RGS3: variants seen among roughly 807,000 people sequenced by gnomAD.
RGS3 encodes regulator of G-protein signalling 3.
Under a neutral mutation model 132.6 loss-of-function variants are expected in RGS3, and 80 were observed. That is an observed-to-expected ratio of 0.60 (90% CI 0.50 to 0.73). The LOEUF (loss-of-function observed/expected upper bound fraction) is 0.73, where lower values mean the gene tolerates loss of function less well. RGS3 is among the 30% of genes least tolerant of loss of function. RGS3 has a pLI of 0.00. For missense variants in RGS3, 1,382 were observed against 1,530.8 expected (o/e 0.90, Z 1.62); for synonymous variants, 598 against 620.6 (o/e 0.96, Z 0.54).
At chr9:113,517,446 T>G (rs1487899057) in intron 15 of RGS3, 95 bp from the exon 14 acceptor site, 1 of 966,470 alleles carries the variant, frequency 1.0e-6, no homozygotes, top group African/African-American at 1.6e-5. Flanking sequence ...GTCAGAGGGT[T>G]CTCTGTGGCT....
chr9:113,536,844 A>AAG lies in RGS3; in HGVS notation c.1968_1969dup (p.Val657GlufsTer179). The AAG allele has an allele frequency of 1.9e-6, 3 of 1,614,138 alleles. No individual in the cohort carries two copies. Among genetic ancestry groups the AAG allele is most frequent in the Non-Finnish European group, 2.5e-6 (3 of 1,179,994 alleles). Reference sequence around the variant, plus strand: ...GGAAGCGCACTCGCAGGAGCAGAAGAAGAGAGTGTGCTGGTGCCTGTCGGA... The same window carrying AAG: ...GGAAGCGCACTCGCAGGAGCAGAAGAAGAGAGAGTGTGCTGGTGCCTGTCGGA... On this transcript the variant is annotated frameshift_variant, in exon 19 of 25. Transcript: ENST00000350696. LOFTEE classifies it high-confidence loss of function.
At chr9:113,557,288 G>A (rs1256111630) in intron 19 of RGS3, among the ~76,000 whole-genome samples, 1 of 152,244 alleles carries the variant, frequency 6.6e-6, no homozygotes, top group African/African-American at 2.4e-5. Context: ...CTTAGGTGTT[G>A]GCTCACTCCC....
chr9:113,541,404 C>T, intron 19 of RGS3: 1 of 1,613,848 alleles, frequency 6.2e-7, no homozygotes, highest in Non-Finnish European at 8.5e-7. Context: ...CTTTACCTCA[C>T]CAGGACAGAC....
In RGS3 at chr9:113,473,833, A is replaced by G. The variant is rs1285604739; in HGVS notation, c.416-5658A>G. Among the ~76,000 whole-genome samples the G allele has an allele frequency of 3.3e-5, 5 of 152,220 alleles. No homozygotes were observed. In the South Asian group the frequency reaches 1.0e-3, roughly 32 times the overall value. Reference sequence around the variant, plus strand: ...AGTACCTAGTAAACATCTAAGAAACATTGACTTTGTTCTCTCCATGTGTGT... The same window carrying G: ...AGTACCTAGTAAACATCTAAGAAACGTTGACTTTGTTCTCTCCATGTGTGT... On this transcript the variant is annotated intron_variant, in intron 3 of 24. Transcript: ENST00000350696.
rs1338540350 is a variant in RGS3, at chr9:113,565,911, GTGTGTC to G, written c.2038-17535_2038-17530del. On this transcript the variant is annotated intron_variant, in intron 19 of 24. Transcript: ENST00000350696. The surrounding 1 kb of genome is among the most constrained non-coding windows in gnomAD (Gnocchi z 5.7). Reference sequence around the variant, plus strand: ...TGTGTGTGTGTGTGTGTGTGTGTGTGTGTGTCTGTCTGTCTGTCTGTCTCAGGGGCT... The same window carrying G: ...TGTGTGTGTGTGTGTGTGTGTGTGTGTGTCTGTCTGTCTGTCTCAGGGGCT... Among the ~76,000 whole-genome samples, 395 of 148,784 alleles carry G rather than the reference GTGTGTC, an allele frequency of 2.7e-3. 8 individuals carry two copies. In the East Asian group the frequency reaches 0.048, roughly 18 times the overall value.
At chr9:113,516,063 T>A (rs1831643149) in intron 15 of RGS3, among the ~76,000 whole-genome samples, 1 of 152,266 alleles carries the variant, frequency 6.6e-6, no homozygotes, top group Admixed American at 6.5e-5. Context: ...ATTGACAAAT[T>A]GCTTTGCAGG....
exon 10 of RGS3, chr9:113,498,046 G>A: frequency 6.2e-7 from 1 of 1,614,114 alleles, no homozygotes; most frequent in East Asian, 2.2e-5. Flanking sequence ...AGAATGCCAG[G>A]AGGTGGGGAC....
intron 19 of RGS3, among the ~76,000 whole-genome samples, chr9:113,574,874 G>A (rs1008015838): frequency 2.6e-5 from 4 of 152,192 alleles, no homozygotes; most frequent in African/African-American, 9.7e-5. Flanking sequence ...TTCTCACAAG[G>A]CATCAGTCAC....
At chr9:113,536,746 A>C in intron 18 of RGS3, 50 bp from the exon 17 acceptor site, 1 of 1,594,026 alleles carries the variant, frequency 6.3e-7, no homozygotes, top group Non-Finnish European at 8.6e-7. Flanking sequence ...GAGCCCCCTG[A>C]ACCAGGGAGC....
At chr9:113,548,675 C>A (rs938626754) in intron 19 of RGS3, among the ~76,000 whole-genome samples, 1 of 152,220 alleles carries the variant, frequency 6.6e-6, no homozygotes, top group African/African-American at 2.4e-5. Context: ...TCAGCCCTCA[C>A]ACCCCCTCCT....
At chr9:113,529,447 C>T (rs1356111443) in intron 18 of RGS3, among the ~76,000 whole-genome samples, 183 bp downstream of exon 16, 13 of 152,228 alleles carry the variant, frequency 8.5e-5, no homozygotes, top group Non-Finnish European at 1.9e-4. Context: ...ATTCCTGCCC[C>T]TGCCTCTCTC....
intron 19 of RGS3, among the ~76,000 whole-genome samples, chr9:113,551,351 A>G (rs527882093): frequency 6.6e-6 from 1 of 152,272 alleles, no homozygotes; most frequent in South Asian, 2.1e-4. Flanking sequence ...GGAATATCAC[A>G]TTTTGTTTAA....
Position 113,565,200 on chromosome 9 carries a change from C to T in RGS3, c.2038-18250C>T, listed in dbSNP as rs1037411037. The T allele has an allele frequency of 9.6e-6, 12 of 1,247,064 alleles. No homozygotes were observed. Among genetic ancestry groups the T allele is most frequent in the South Asian group, 6.8e-5 (5 of 73,612 alleles). The allele number at this position is 1,247,064 out of a possible 1,614,324, so 77.2% of individuals were successfully genotyped here. A position where few individuals can be genotyped will look rare whatever the true frequency, so the allele number is the denominator to read the frequency against. ...TAACCCGGGAGCCAGCTGGGCCCCT[C>T]GCGGGGTGGGCAGAAGGACGGGCTG... On this transcript the variant is annotated intron_variant, in intron 19 of 24. Transcript: ENST00000350696. The surrounding 1 kb of genome is among the most constrained non-coding windows in gnomAD (Gnocchi z 5.7).
At chr9:113,582,259 T>A in intron 19 of RGS3, 1 of 948,584 alleles carries the variant, frequency 1.1e-6, no homozygotes, top group Non-Finnish European at 1.3e-6. Flanking sequence ...CACCGGCCTT[T>A]GGGCTCAGTT....
chr9:113,554,802 T>C (rs1833500517), intron 19 of RGS3, among the ~76,000 whole-genome samples: 1 of 152,232 alleles, frequency 6.6e-6, no homozygotes, highest in Non-Finnish European at 1.5e-5. Flanking sequence ...TTATAGTATC[T>C]TTTATCATTT....
intron 3 of RGS3, among the ~76,000 whole-genome samples, chr9:113,477,103 A>G (rs754179959): frequency 2.6e-5 from 4 of 152,094 alleles, no homozygotes; most frequent in African/African-American, 7.2e-5. Flanking sequence ...GGAAGCCACA[A>G]TGAAGTAATT....
rs1292223002 is a variant in RGS3, at chr9:113,463,318, C to T, written c.415+1117C>T. On this transcript the variant is annotated intron_variant, in intron 3 of 24. Coordinates refer to ENST00000350696, the Ensembl canonical transcript of RGS3. This position sits in a 1 kb window ranked among gnomAD's most constrained non-coding sequence, Gnocchi z 4.6. Reference sequence around the variant, plus strand: ...TCCAAACCTCACTGCCCTGGGCCATCGGGTGCTCCTTTGCCTTTGCTTGGA... The same window carrying T: ...TCCAAACCTCACTGCCCTGGGCCATTGGGTGCTCCTTTGCCTTTGCTTGGA... Among the ~76,000 whole-genome samples, 1 of 152,194 alleles carries T rather than the reference C, an allele frequency of 6.6e-6. No individual in the cohort carries two copies. Among genetic ancestry groups the T allele is most frequent in the Non-Finnish European group, 1.5e-5 (1 of 68,034 alleles).
chr9:113,596,693 T>TC, intron 24 of RGS3, 75 bp from the exon 23 acceptor site: 1 of 1,326,936 alleles, frequency 7.5e-7, no homozygotes, highest in Non-Finnish European at 1.0e-6. Flanking sequence ...GCTGGATGGG[T>TC]CCCTTCCAGG....
intron 19 of RGS3, among the ~76,000 whole-genome samples, chr9:113,569,232 C>T (rs1834151186): frequency 6.6e-6 from 1 of 152,174 alleles, no homozygotes; most frequent in African/African-American, 2.4e-5. Flanking sequence ...TCAGTTACCT[C>T]TTACTGGGGT....
Sources: gnomAD v4.1 joint callset for allele counts (sites outside exome capture counted in the v4.1 genomes callset) on GRCh38, gnomAD v4.1.1 for gene constraint, Gnocchi (gnomAD v3.1) non-coding constraint, MANE v1.5 for transcripts, NCBI Gene and HGNC (gene_info 2026-07-23, HGNC 2026-07-21) for gene names.